ST6GALNAC3: variants seen among roughly 807,000 people sequenced by gnomAD.
The protein encoded by ST6GALNAC3 is ST6 N-acetylgalactosaminide alpha-2,6-sialyltransferase 3.
A neutral mutation model predicts 32.7 loss-of-function variants in ST6GALNAC3; 25 were observed. The observed-to-expected ratio is 0.76, with a 90% CI of 0.56 to 1.07. ST6GALNAC3 has a LOEUF of 1.07. Among genes scored for constraint, ST6GALNAC3 ranks in the 50% least tolerant of loss-of-function variants. The pLI is 0.00. For missense variants in ST6GALNAC3, 355 were observed against 382.4 expected, an observed-to-expected ratio of 0.93 and a Z score of 0.60; for synonymous variants, 129 against 133.1, an observed-to-expected ratio of 0.97 and a Z score of 0.21.
chr1:76,132,389 C>T (rs1649668021), intron 1 of ST6GALNAC3, among the ~76,000 whole-genome samples: 2 of 152,090 alleles, frequency 1.3e-5, no homozygotes, highest in Admixed American at 6.5e-5. Flanking sequence ...GGGGGCAATC[C>T]AAGACTCAAA....
At chr1:76,135,828 A>G (rs1216130756) in intron 1 of ST6GALNAC3, among the ~76,000 whole-genome samples, 2 of 151,974 alleles carry the variant, frequency 1.3e-5, no homozygotes, top group African/African-American at 4.8e-5. Context: ...GCTCTCCTAT[A>G]CTCTTAGGTG....
intron 1 of ST6GALNAC3, among the ~76,000 whole-genome samples, chr1:76,185,652 G>A (rs1210773676): frequency 1.3e-5 from 2 of 152,142 alleles, no homozygotes; most frequent in Non-Finnish European, 2.9e-5. Flanking sequence ...ACTTTATGGA[G>A]CACATACTGT....
rs1394254699 is a variant in ST6GALNAC3 at position 76,206,199 on chromosome 1, A to G, written c.19-107606A>G. 2.6e-5 allele frequency among the ~76,000 whole-genome samples: 4 copies of G among 152,182 alleles called. No homozygotes were observed. The East Asian group carries it at 5.8e-4, about 22-fold the overall frequency. ...TGAAAGGATATTTTGAAGTACAGGG[A>G]ACAGCACAGAAAATAATGCTACCTT... On this transcript the variant is annotated intron_variant, in intron 1 of 4. Coordinates refer to ENST00000328299, the MANE Select transcript of ST6GALNAC3 (RefSeq NM_152996.4).
intron 1 of ST6GALNAC3, among the ~76,000 whole-genome samples, chr1:76,128,577 C>G (rs1649404679): frequency 6.6e-6 from 1 of 152,194 alleles, no homozygotes; most frequent in Non-Finnish European, 1.5e-5. Context: ...AGCACATCCC[C>G]AGACCTTCAT....
intron 2 of ST6GALNAC3, among the ~76,000 whole-genome samples, chr1:76,385,433 G>A (rs1053333705): frequency 1.3e-5 from 2 of 152,214 alleles, no homozygotes; most frequent in African/African-American, 4.8e-5. Context: ...GAGAGACTGA[G>A]GTTAAATCCC....
At chr1:76,613,918 A>G (rs143310263) in intron 3 of ST6GALNAC3, among the ~76,000 whole-genome samples, 1 of 152,316 alleles carries the variant, frequency 6.6e-6, no homozygotes, top group Non-Finnish European at 1.5e-5. Context: ...GGCTTATGGA[A>G]CTTCAAGTGG....
chr1:76,559,905 T>A (rs977657093), intron 3 of ST6GALNAC3, among the ~76,000 whole-genome samples: 1 of 152,076 alleles, frequency 6.6e-6, no homozygotes, highest in Non-Finnish European at 1.5e-5. Context: ...CTCAGGGCAT[T>A]TAATAATCAA....
At chr1:76,298,595 CT>C (rs1660547642) in intron 1 of ST6GALNAC3, among the ~76,000 whole-genome samples, 1 of 152,052 alleles carries the variant, frequency 6.6e-6, no homozygotes, top group African/African-American at 2.4e-5. Flanking sequence ...TGAAGGGGCC[CT>C]GTCCCAGTGG....
intron 2 of ST6GALNAC3, among the ~76,000 whole-genome samples, chr1:76,340,647 C>T (rs1389551966): frequency 6.6e-6 from 1 of 152,186 alleles, no homozygotes; most frequent in Non-Finnish European, 1.5e-5. Flanking sequence ...TTTTCCAAGA[C>T]AGGTGGTGAA....
At chr1:76,306,611 G>A (rs1367427472) in intron 1 of ST6GALNAC3, among the ~76,000 whole-genome samples, 1 of 150,118 alleles carries the variant, frequency 6.7e-6, no homozygotes, top group Non-Finnish European at 1.5e-5. Context: ...CAAAAAGCCA[G>A]TCCTAGAGAA....
At position 76,629,315 on chromosome 1, in the gene ST6GALNAC3, G is replaced by T. The variant is rs2100734143; in HGVS notation, c.*509G>T. ...TATCTTACTACTTAGCCTAAGGATGGGAAAATATCTCTTCCTAATATACCA... is the reference window on the plus strand; with the variant it reads ...TATCTTACTACTTAGCCTAAGGATGTGAAAATATCTCTTCCTAATATACCA... On this transcript the variant is annotated 3_prime_UTR_variant, in exon 5 of 5. Coordinates refer to ENST00000328299, the MANE Select transcript of ST6GALNAC3 (RefSeq NM_152996.4). The T allele has an allele frequency of 1.3e-5, 13 of 985,922 alleles. No homozygotes were observed. Among genetic ancestry groups the T allele is most frequent in the Non-Finnish European group, 1.6e-5 (13 of 830,372 alleles). 61.1% of individuals were successfully genotyped at this position (985,922 alleles called of 1,614,324 possible).
At chr1:76,580,590 C>A (rs1244691636) in intron 3 of ST6GALNAC3, among the ~76,000 whole-genome samples, 1 of 152,112 alleles carries the variant, frequency 6.6e-6, no homozygotes, top group Non-Finnish European at 1.5e-5. Flanking sequence ...TTTTTGGTAG[C>A]CCCTTAGCCC....
intron 2 of ST6GALNAC3, among the ~76,000 whole-genome samples, chr1:76,391,570 TCCTC>T (rs1352830403): frequency 2.7e-5 from 3 of 109,362 alleles, no homozygotes; most frequent in African/African-American, 9.8e-5. Flanking sequence ...CTTCCTTCCT[TCCTC>T]CCACTTCCCT....
At chr1:76,295,046 G>A (rs1259554012) in intron 1 of ST6GALNAC3, among the ~76,000 whole-genome samples, 1 of 151,952 alleles carries the variant, frequency 6.6e-6, no homozygotes, top group Non-Finnish European at 1.5e-5. Context: ...ACTCCATGCT[G>A]GGCAAAGGAA....
chr1:76,129,046 C>T (rs148259696), intron 1 of ST6GALNAC3, among the ~76,000 whole-genome samples: 1 of 152,206 alleles, frequency 6.6e-6, no homozygotes, highest in African/African-American at 2.4e-5. Context: ...CCCCAAACCT[C>T]TCTGCCCTGA....
At chr1:76,462,905 G>GTA (rs1489966670) in intron 3 of ST6GALNAC3, among the ~76,000 whole-genome samples, 8 of 152,040 alleles carry the variant, frequency 5.3e-5, no homozygotes, top group South Asian at 4.2e-4. Context: ...TATCTGCTGT[G>GTA]TACCAGATTG....
At chr1:76,089,930 T>A (rs149590748) in intron 1 of ST6GALNAC3, among the ~76,000 whole-genome samples, 6 of 152,314 alleles carry the variant, frequency 3.9e-5, no homozygotes, top group Non-Finnish European at 7.4e-5. Context: ...GGTAGATGTG[T>A]CCCCATTTTA....
intron 2 of ST6GALNAC3, chr1:76,354,214 T>C (rs1320902082): frequency 1.3e-5 from 2 of 152,220 alleles, no homozygotes; most frequent in African/African-American, 4.8e-5. Context: ...CCCAGTTCAA[T>C]GTTTCAGGGC....
chr1:76,358,353 T>A (rs1299530379), intron 2 of ST6GALNAC3, among the ~76,000 whole-genome samples: 1 of 152,194 alleles, frequency 6.6e-6, no homozygotes, highest in Non-Finnish European at 1.5e-5. Flanking sequence ...CATATGGAAC[T>A]CACGAAACCT....
Sources: gnomAD v4.1 joint callset for allele counts (sites outside exome capture counted in the v4.1 genomes callset) on GRCh38, gnomAD v4.1.1 for gene constraint, MANE v1.5 for transcripts, NCBI Gene and HGNC (gene_info 2026-07-23, HGNC 2026-07-21) for gene names.